Variants in TMOD3 observed in about 807,000 individuals in gnomAD.
TMOD3 encodes the protein tropomodulin 3, also known as tropomodulin-3.
Under a neutral mutation model 39.2 loss-of-function variants are expected in TMOD3, and 20 were observed. That is an observed-to-expected ratio of 0.51 (90% CI 0.36 to 0.74). The LOEUF (loss-of-function observed/expected upper bound fraction) is 0.74. TMOD3 is among the 30% of genes least tolerant of loss of function. The pLI is 0.00. For missense variants in TMOD3, 381 were observed against 412.8 expected, an observed-to-expected ratio of 0.92 and a Z score of 0.67; for synonymous variants, 143 against 145.8, an observed-to-expected ratio of 0.98 and a Z score of 0.14.
intron 6 of TMOD3, among the ~76,000 whole-genome samples, chr15:51,894,596 C>G (rs926062424): frequency 2.0e-5 from 3 of 152,156 alleles, no homozygotes; most frequent in Admixed American, 1.3e-4. Context: ...CAGCTCTAGC[C>G]CCTGACAACC....
intron 3 of TMOD3, among the ~76,000 whole-genome samples, chr15:51,885,918 G>GC (rs2056559508): frequency 1.4e-5 from 2 of 142,668 alleles, no homozygotes; most frequent in South Asian, 4.4e-4. Context: ...GGCGGGGGCT[G>GC]CCCCCCACCT....
At chr15:51,892,459 T>A (rs2056598481) in intron 5 of TMOD3, 1 of 152,262 alleles carries the variant, frequency 6.6e-6, no homozygotes, top group East Asian at 1.9e-4. Context: ...ATCTGAAGCA[T>A]CATATTCCTG....
chr15:51,885,287 T>C (rs1353936867), intron 3 of TMOD3, among the ~76,000 whole-genome samples: 10 of 71,672 alleles, frequency 1.4e-4, no homozygotes, highest in Non-Finnish European at 3.0e-4. Context: ...CTTTTTTCTT[T>C]TTTTTTTTTT....
chr15:51,870,030 C>T (rs973454190), intron 3 of TMOD3, among the ~76,000 whole-genome samples: 13 of 152,112 alleles, frequency 8.5e-5, no homozygotes, highest in African/African-American at 2.9e-4. Flanking sequence ...CCTCCGCCTC[C>T]CGGGTTTAAG....
Position 51,879,232 on chromosome 15 carries a change from T to G in TMOD3, c.284-8357T>G, listed in dbSNP as rs111881233. ...GTCTTCCATTTCCTTAGCTGCTGTT[T>G]TGTAGTTGCAGAAACATTGCTAAAC... On this transcript the variant is annotated intron_variant, in intron 3 of 9. Transcript: ENST00000308580. Among the ~76,000 whole-genome samples the G allele has an allele frequency of 2.7e-3, 408 of 152,324 alleles. 6 individuals carry two copies. The highest frequency in any genetic ancestry group is 9.3e-3 in the African/African-American group (388 of 41,574).
chr15:51,891,763 A>G (rs957575163), intron 5 of TMOD3, among the ~76,000 whole-genome samples: 5 of 151,720 alleles, frequency 3.3e-5, no homozygotes, highest in Non-Finnish European at 5.9e-5. Context: ...TTCCCTAGCT[A>G]TCTTGAAGAC....
intron 7 of TMOD3, among the ~76,000 whole-genome samples, chr15:51,898,333 C>G (rs2056631734): frequency 6.6e-6 from 1 of 152,184 alleles, no homozygotes; most frequent in Non-Finnish European, 1.5e-5. Flanking sequence ...CAAATGTCAC[C>G]TTCTAGTTGA....
intron 7 of TMOD3, among the ~76,000 whole-genome samples, chr15:51,897,092 G>A (rs777548671): frequency 6.6e-6 from 1 of 152,150 alleles, no homozygotes; most frequent in African/African-American, 2.4e-5. Flanking sequence ...TCCCTTGGGG[G>A]CTCCCCTTAC....
rs768722728 is a variant in TMOD3 at position 51,889,058 on chromosome 15, A to G, written c.409A>G (p.Ile137Val). The stretch of plus-strand genomic sequence containing the variant: ...ACTTTCTTTTTCTGTATTTATAGCA[A>G]TTCTTGGGATGCACAATTTGATAAC... ...SDTELCDLAA[I>V]LGMHNLITNT... The change falls in exon 5 of 10, where the codon ATT (isoleucine) becomes GTT (valine). Residue 137 changes from isoleucine (I) to valine (V), a missense_variant and splice_region_variant. Physicochemically the swap from Ile to Val is conservative, Grantham distance 29. Coordinates refer to ENST00000308580, the MANE Select transcript of TMOD3 (RefSeq NM_014547.5). The G allele has an allele frequency of 2.5e-6, 4 of 1,572,706 alleles. No homozygotes were observed. In the Admixed American group the frequency reaches 6.1e-5, roughly 24 times the overall value.
At chr15:51,877,619 G>A (rs1377780303) in intron 3 of TMOD3, among the ~76,000 whole-genome samples, 2 of 151,726 alleles carry the variant, frequency 1.3e-5, no homozygotes, top group South Asian at 2.1e-4. Flanking sequence ...GACGGAGGTT[G>A]CAGTGAGCCG....
In TMOD3 at chr15:51,889,061, C is replaced by T. The variant is rs762061043; in HGVS notation, c.412C>T (p.Leu138Phe). The change falls in exon 5 of 10, where the codon CTT becomes TTT. Residue 138 changes from leucine to phenylalanine, a missense_variant. Leu to Phe is a conservative substitution (Grantham distance 22). Transcript: ENST00000308580. ...TTCTTTTTCTGTATTTATAGCAATTCTTGGGATGCACAATTTGATAACGAA... is the reference window on the plus strand; with the variant it reads ...TTCTTTTTCTGTATTTATAGCAATTTTTGGGATGCACAATTTGATAACGAA... ...DTELCDLAAI[L>F]GMHNLITNTK... The T allele has an allele frequency of 9.9e-5, 155 of 1,573,098 alleles. No homozygotes were observed. The highest frequency in any genetic ancestry group is 1.3e-4 in the Non-Finnish European group (150 of 1,163,988).
chr15:51,885,418 C>T (rs926861973), intron 3 of TMOD3, among the ~76,000 whole-genome samples: 1 of 151,814 alleles, frequency 6.6e-6, no homozygotes, highest in Non-Finnish European at 1.5e-5. Context: ...TCTGGTTTTC[C>T]TAGGCAGAGG....
At chr15:51,856,299 T>C (rs753088454) in intron 1 of TMOD3, among the ~76,000 whole-genome samples, 3 of 152,178 alleles carry the variant, frequency 2.0e-5, no homozygotes, top group Admixed American at 2.0e-4. Context: ...GTGATAACTT[T>C]TGAGCATCAT....
intron 1 of TMOD3, chr15:51,835,049 A>G (rs1299688050): frequency 6.6e-6 from 1 of 152,194 alleles, no homozygotes; most frequent in African/African-American, 2.4e-5. Context: ...TCCTGATGGA[A>G]GAATGTTAAG....
At chr15:51,830,509 C>T (rs2056249382) in intron 1 of TMOD3, among the ~76,000 whole-genome samples, 1 of 152,156 alleles carries the variant, frequency 6.6e-6, no homozygotes, top group Non-Finnish European at 1.5e-5. Context: ...TGGGAAACAG[C>T]CACAGTTTCT....
intron 3 of TMOD3, among the ~76,000 whole-genome samples, chr15:51,871,820 T>G (rs2056476319): frequency 6.6e-6 from 1 of 152,232 alleles, no homozygotes; most frequent in African/African-American, 2.4e-5. Flanking sequence ...CTTCTTACTT[T>G]AGGTTTTAGA....
At chr15:51,831,809 C>A (rs1177671638) in intron 1 of TMOD3, among the ~76,000 whole-genome samples, 1 of 151,644 alleles carries the variant, frequency 6.6e-6, no homozygotes, top group Non-Finnish European at 1.5e-5. Flanking sequence ...TTTGGCAATT[C>A]ATGAATTCAA....
chr15:51,838,408 C>T lies in TMOD3; in HGVS notation c.-75+8572C>T, dbSNP rs112271461. On this transcript the variant is annotated intron_variant, in intron 1 of 9. Transcript: ENST00000308580. ...CAAGGTGTTTAGGTCTCCGGGAACACAAACCCACTTAAGCTATCTTGCTAG... is the reference window on the plus strand; with the variant it reads ...CAAGGTGTTTAGGTCTCCGGGAACATAAACCCACTTAAGCTATCTTGCTAG... Among the ~76,000 whole-genome samples the T allele has an allele frequency of 3.5e-4, 54 of 152,206 alleles. 2 individuals carry two copies. Among genetic ancestry groups the T allele is most frequent in the African/African-American group, 1.3e-3 (52 of 41,548 alleles).
intron 1 of TMOD3, among the ~76,000 whole-genome samples, chr15:51,845,766 G>T (rs1157494946): frequency 6.6e-6 from 1 of 152,002 alleles, no homozygotes; most frequent in Non-Finnish European, 1.5e-5. Flanking sequence ...AACAAGGAAA[G>T]AATTTTGGTT....
Sources: gnomAD v4.1 joint callset for allele counts (sites outside exome capture counted in the v4.1 genomes callset) on GRCh38, gnomAD v4.1.1 for gene constraint, MANE v1.5 for transcripts, NCBI Gene and HGNC (gene_info 2026-07-23, HGNC 2026-07-21) for gene names.